NXPE2: variants seen among roughly 807,000 people sequenced by gnomAD.
NXPE2 encodes NXPE family member 2.
A neutral mutation model predicts 34.4 loss-of-function variants in NXPE2; 34 were observed. The observed-to-expected ratio is 0.99, with a 90% CI of 0.75 to 1.31. The LOEUF is 1.31. Ranked by LOEUF, NXPE2 falls within the 40% of genes most tolerant of loss-of-function variation. The pLI is 0.00. For missense variants in NXPE2, 649 were observed against 672.5 expected (o/e 0.97, Z 0.39); for synonymous variants, 235 against 231.3 (o/e 1.02, Z -0.15).
At chr11:114,493,805 A>C in the NXPE2 span, among the ~76,000 whole-genome samples, 1 of 152,140 alleles carries the variant, frequency 6.6e-6, no homozygotes, top group African/African-American at 2.4e-5. Context: ...ATTAATGAAT[A>C]CCTTCACATG....
Position 114,704,045 on chromosome 11 carries a change from AT to A in NXPE2, c.922del (p.Cys308AlafsTer7). 1 of 1,550,404 alleles carries A rather than the reference AT, an allele frequency of 6.4e-7. No individual in the cohort carries two copies. The highest frequency in any genetic ancestry group is 2.0e-5 in the Admixed American group (1 of 51,004). Reference protein sequence around the residue: ...KNFTPIEVIPCNKSENIKKNC... With the variant: ...KNFTPIEVIPXNKSENIKKNC... ...ACTTTACCCCCATTGAGGTCATACCATGCAACAGTAAGTCTGGAGTGTTGTT... is the reference window on the plus strand; with the variant it reads ...ACTTTACCCCCATTGAGGTCATACCAGCAACAGTAAGTCTGGAGTGTTGTT... On this transcript the variant is annotated frameshift_variant, in exon 4 of 6. Coordinates refer to ENST00000389586, the MANE Select transcript of NXPE2 (RefSeq NM_182495.6). LOFTEE classifies it high-confidence loss of function.
chr11:114,604,444 GA>G, the NXPE2 span, among the ~76,000 whole-genome samples: 1 of 152,024 alleles, frequency 6.6e-6, no homozygotes, highest in African/African-American at 2.4e-5. Flanking sequence ...TTACCCGGTG[GA>G]CACTAAGTAT....
the NXPE2 span, among the ~76,000 whole-genome samples, chr11:114,508,725 C>T: frequency 3.3e-5 from 5 of 152,146 alleles, no homozygotes; most frequent in African/African-American, 9.7e-5. Flanking sequence ...TTCCTTACAC[C>T]TTATACGAAA....
chr11:114,507,701 C>G, the NXPE2 span, among the ~76,000 whole-genome samples: 1 of 152,040 alleles, frequency 6.6e-6, no homozygotes, highest in Admixed American at 6.6e-5. Flanking sequence ...AACATCCATT[C>G]ATGTTAAAAA....
chr11:114,573,397 C>T, the NXPE2 span, among the ~76,000 whole-genome samples: 2 of 152,060 alleles, frequency 1.3e-5, no homozygotes, highest in African/African-American at 4.8e-5. Context: ...GAATGCTCTA[C>T]TTAAAACGTA....
At chr11:114,682,609 A>G (rs1038556841) in intron 2 of NXPE2, among the ~76,000 whole-genome samples, 1 of 152,222 alleles carries the variant, frequency 6.6e-6, no homozygotes, top group East Asian at 1.9e-4. Flanking sequence ...GGAAGATGCA[A>G]GGAAGTAATA....
At chr11:114,632,456 G>A in the NXPE2 span, among the ~76,000 whole-genome samples, 1 of 122,392 alleles carries the variant, frequency 8.2e-6, no homozygotes, top group Admixed American at 1.0e-4. Flanking sequence ...ATTTATAAGA[G>A]TTATACATTA....
chr11:114,608,290 T>C, the NXPE2 span, among the ~76,000 whole-genome samples: 1 of 149,504 alleles, frequency 6.7e-6, no homozygotes, highest in Non-Finnish European at 1.5e-5. Context: ...TACCCAGTAT[T>C]TAATAAGTGT....
the NXPE2 span, among the ~76,000 whole-genome samples, chr11:114,743,849 A>T: frequency 1.3e-5 from 2 of 151,130 alleles, no homozygotes; most frequent in East Asian, 3.9e-4. Flanking sequence ...ATATATACAT[A>T]TGTGTGTATA....
At chr11:114,738,929 A>T in the NXPE2 span, among the ~76,000 whole-genome samples, 3 of 152,094 alleles carry the variant, frequency 2.0e-5, no homozygotes, top group Non-Finnish European at 4.4e-5. Context: ...GTGCTTTACT[A>T]TTTTATTAAA....
At chr11:114,644,499 A>C in the NXPE2 span, among the ~76,000 whole-genome samples, 1 of 152,158 alleles carries the variant, frequency 6.6e-6, no homozygotes, top group Non-Finnish European at 1.5e-5. Flanking sequence ...ATTTCTAAGC[A>C]GTAATAATAA....
At chr11:114,771,640 C>T in the NXPE2 span, among the ~76,000 whole-genome samples, 6 of 152,118 alleles carry the variant, frequency 3.9e-5, no homozygotes, top group Non-Finnish European at 8.8e-5. Flanking sequence ...GCATCCTTTG[C>T]GTGTACCTCA....
chr11:114,665,307 A>G, the NXPE2 span, among the ~76,000 whole-genome samples: 7 of 152,094 alleles, frequency 4.6e-5, no homozygotes, highest in African/African-American at 1.7e-4. Flanking sequence ...CAATCTCTCT[A>G]ATTAGAATGT....
At chr11:114,761,854 G>T in the NXPE2 span, among the ~76,000 whole-genome samples, 5 of 152,022 alleles carry the variant, frequency 3.3e-5, no homozygotes, top group African/African-American at 1.2e-4. Flanking sequence ...GATTACAGGC[G>T]TGAGCCACCG....
the NXPE2 span, among the ~76,000 whole-genome samples, chr11:114,804,598 C>T: frequency 2.6e-5 from 4 of 152,152 alleles, no homozygotes; most frequent in East Asian, 1.9e-4. Context: ...TGCATTGTCA[C>T]TTTTTATTTG....
the NXPE2 span, chr11:114,530,261 G>A: frequency 1.2e-6 from 2 of 1,614,014 alleles, no homozygotes; most frequent in Non-Finnish European, 1.7e-6. Context: ...CACAGGGCAT[G>A]TGTTGAGGCT....
At chr11:114,774,875 G>T in the NXPE2 span, among the ~76,000 whole-genome samples, 1 of 152,208 alleles carries the variant, frequency 6.6e-6, no homozygotes, top group East Asian at 1.9e-4. Flanking sequence ...CCTTGACTGT[G>T]TCTATGAGGA....
the NXPE2 span, chr11:114,522,410 T>C: frequency 4.3e-6 from 7 of 1,613,926 alleles, no homozygotes; most frequent in African/African-American, 1.3e-5. Flanking sequence ...GGGATAGCTA[T>C]GTTTTTTCCA....
At chr11:114,667,517 G>A in the NXPE2 span, among the ~76,000 whole-genome samples, 3 of 152,112 alleles carry the variant, frequency 2.0e-5, no homozygotes, top group African/African-American at 4.8e-5. Flanking sequence ...TAATGGATTT[G>A]TCTTGCTTCT....
Sources: allele counts gnomAD v4.1 joint callset (sites outside exome capture counted in the v4.1 genomes callset), GRCh38; gene constraint gnomAD v4.1.1; transcripts MANE v1.5; gene names NCBI Gene and HGNC (gene_info 2026-07-23, HGNC 2026-07-21).